The following MIS18A variants were observed in gnomAD, a reference collection of about 807,000 sequenced individuals.
MIS18A encodes MIS18 kinetochore protein A.
A neutral mutation model predicts 25.0 loss-of-function variants in MIS18A; 14 were observed. That is an observed-to-expected ratio of 0.56 (90% confidence interval 0.37 to 0.88). The LOEUF (loss-of-function observed/expected upper bound fraction) is 0.88, where lower values mean the gene tolerates loss of function less well. Ranked by LOEUF, MIS18A falls within the 40% of genes least tolerant of loss-of-function variation. MIS18A has a pLI of 0.00. For missense variants in MIS18A, 292 were observed against 290.8 expected (o/e 1.00, Z -0.03); for synonymous variants, 134 against 118.6 (o/e 1.13, Z -0.84).
chr21:32,262,194 A>AACAT, the MIS18A span, among the ~76,000 whole-genome samples: 2 of 152,204 alleles, frequency 1.3e-5, no homozygotes, highest in Non-Finnish European at 2.9e-5. Context: ...ATGAGGTAGT[A>AACAT]ACATACATGG....
chr21:32,158,327 C>T, the MIS18A span, among the ~76,000 whole-genome samples: 2 of 151,722 alleles, frequency 1.3e-5, no homozygotes, highest in African/African-American at 2.4e-5. Flanking sequence ...TAAAGAAACA[C>T]ATTATAGAAT....
At chr21:32,183,722 A>G in the MIS18A span, among the ~76,000 whole-genome samples, 2 of 152,220 alleles carry the variant, frequency 1.3e-5, no homozygotes, top group East Asian at 3.9e-4. Flanking sequence ...CAGATCCATC[A>G]CAATGACACA....
the MIS18A span, among the ~76,000 whole-genome samples, chr21:32,163,797 C>A: frequency 2.0e-5 from 3 of 152,064 alleles, no homozygotes; most frequent in African/African-American, 7.2e-5. Context: ...CTAAAGGAGG[C>A]AGTTTTTTGT....
chr21:32,258,197 G>A, the MIS18A span, among the ~76,000 whole-genome samples: 1 of 152,128 alleles, frequency 6.6e-6, no homozygotes, highest in Non-Finnish European at 1.5e-5. Context: ...TCTGAGTCAT[G>A]AAAACAGAAA....
At chr21:32,272,512 GAAGA>G (rs2031731953) in intron 2 of MIS18A, among the ~76,000 whole-genome samples, 4 of 152,226 alleles carry the variant, frequency 2.6e-5, no homozygotes, top group Admixed American at 2.6e-4. Context: ...TTAGAAAAAA[GAAGA>G]AAGTCTCGGT....
At chr21:32,226,230 T>C in the MIS18A span, among the ~76,000 whole-genome samples, 1 of 144,720 alleles carries the variant, frequency 6.9e-6, no homozygotes, top group East Asian at 2.0e-4. Flanking sequence ...TGTATACATA[T>C]GTAACTAACC....
the MIS18A span, among the ~76,000 whole-genome samples, chr21:32,157,789 T>A: frequency 6.6e-6 from 1 of 152,166 alleles, no homozygotes; most frequent in Non-Finnish European, 1.5e-5. Context: ...AAACTTAGAT[T>A]TTTTTGAGAA....
chr21:32,189,204 G>A, the MIS18A span, among the ~76,000 whole-genome samples: 1 of 152,226 alleles, frequency 6.6e-6, no homozygotes, highest in Admixed American at 6.5e-5. Context: ...CCTTCACGAT[G>A]TGGTCCTTGC....
At chr21:32,233,630 C>A in the MIS18A span, among the ~76,000 whole-genome samples, 1 of 152,164 alleles carries the variant, frequency 6.6e-6, no homozygotes, top group African/African-American at 2.4e-5. Flanking sequence ...TCTTATGCTA[C>A]CATTGTGGGC....
rs956457584 is a variant in MIS18A, at chr21:32,276,620, T to C, written c.335-1724A>G. On this transcript the variant is annotated intron_variant, in intron 1 of 4. Transcript: ENST00000290130. ...TTTTTATGTTAATGAGTACTGGAGT[T>C]GGGAAAACAATTTATATAAACTTTA... 3.3e-5 allele frequency among the ~76,000 whole-genome samples: 5 copies of C among 151,982 alleles called. No homozygotes were observed. The East Asian group carries it at 7.8e-4, about 24-fold the overall frequency.
chr21:32,239,750 T>G, the MIS18A span, among the ~76,000 whole-genome samples: 1 of 152,208 alleles, frequency 6.6e-6, no homozygotes, highest in African/African-American at 2.4e-5. Context: ...ACCCTTAGGT[T>G]TGGTATTTTC....
chr21:32,244,505 G>C, the MIS18A span, among the ~76,000 whole-genome samples: 6 of 152,334 alleles, frequency 3.9e-5, no homozygotes, highest in South Asian at 1.2e-3. Context: ...GGGAGGCCAA[G>C]GTGGGAGGAT....
downstream of MIS18A, among the ~76,000 whole-genome samples, chr21:32,267,370 C>T (rs113999592): frequency 0.013 from 1,974 of 152,072 alleles, 37 homozygotes; most frequent in African/African-American, 0.045. Context: ...CAGGAATACA[C>T]GTGCAGAGAT....
chr21:32,216,231 G>A, the MIS18A span, among the ~76,000 whole-genome samples: 12 of 152,028 alleles, frequency 7.9e-5, no homozygotes, highest in South Asian at 2.1e-4. Flanking sequence ...TCCCTTACCC[G>A]TACCCCCAGA....
the MIS18A span, among the ~76,000 whole-genome samples, chr21:32,204,747 C>T: frequency 1.3e-5 from 2 of 151,786 alleles, no homozygotes; most frequent in African/African-American, 4.8e-5. Flanking sequence ...ATTAGCCAGG[C>T]ATGGTGGCAG....
the MIS18A span, among the ~76,000 whole-genome samples, chr21:32,237,162 G>A: frequency 1.3e-4 from 19 of 148,922 alleles, no homozygotes; most frequent in Non-Finnish European, 2.1e-4. Context: ...CATGATTCAT[G>A]GTCTCTTTCT....
downstream of MIS18A, among the ~76,000 whole-genome samples, chr21:32,264,866 C>T (rs926896634): frequency 2.6e-5 from 4 of 152,200 alleles, no homozygotes; most frequent in Admixed American, 2.6e-4. Flanking sequence ...ATGGTGCCTC[C>T]AGTGGACTCT....
Position 32,269,128 on chromosome 21 carries a change from T to C in MIS18A, c.622-11A>G. On this transcript the variant is annotated splice_polypyrimidine_tract_variant and intron_variant, in intron 4 of 4. Transcript: ENST00000290130. ...CAAGACATCTTCCATCTATTGAATT[T>C]AAAAAATAAAAAAATAAAGAAACAC... is the stretch of plus-strand genomic sequence containing the variant. 6.5e-7 allele frequency: 1 copy of C among 1,545,458 alleles called. No individual in the cohort carries two copies. The highest frequency in any genetic ancestry group is 8.8e-7 in the Non-Finnish European group (1 of 1,135,862).
At chr21:32,241,214 CTG>C in the MIS18A span, among the ~76,000 whole-genome samples, 8 of 152,180 alleles carry the variant, frequency 5.3e-5, no homozygotes, top group African/African-American at 1.4e-4. Flanking sequence ...ATGTAACTGA[CTG>C]TTCACTTTCA....
Sources: allele counts gnomAD v4.1 joint callset (sites outside exome capture counted in the v4.1 genomes callset), GRCh38; gene constraint gnomAD v4.1.1; transcripts MANE v1.5; gene names NCBI Gene and HGNC (gene_info 2026-07-23, HGNC 2026-07-21).